The following RARB variants were observed in gnomAD, a reference collection of about 807,000 sequenced individuals.
RARB encodes retinoic acid receptor beta, also known as HBV-activated protein.
In RARB, 17 loss-of-function variants were observed where a neutral mutation model predicts 51.9. That is an observed-to-expected ratio of 0.33 (90% CI 0.22 to 0.49). RARB has a LOEUF of 0.49. RARB is among the 20% of genes least tolerant of loss of function. RARB has a pLI of 0.99. For synonymous variants in RARB, 215 were observed against 195.4 expected (o/e 1.10, Z -0.84); for missense variants, 369 against 550.8 (o/e 0.67, Z 3.30).
upstream of RARB, among the ~76,000 whole-genome samples, chr3:25,427,859 T>C (rs1045423475): frequency 5.3e-5 from 8 of 152,036 alleles, no homozygotes; most frequent in African/African-American, 1.9e-4. Flanking sequence ...CAGAGGAATT[T>C]AAAGTGTGGG....
intron 5 of RARB, among the ~76,000 whole-genome samples, chr3:25,228,370 C>G (rs1702104801): frequency 1.3e-5 from 2 of 151,792 alleles, no homozygotes; most frequent in Non-Finnish European, 2.9e-5. Flanking sequence ...TTGTCATTGC[C>G]TCTCTTTTTA....
At chr3:25,138,378 T>A (rs1337084368) in intron 4 of RARB, among the ~76,000 whole-genome samples, 1 of 151,950 alleles carries the variant, frequency 6.6e-6, no homozygotes, top group African/African-American at 2.4e-5. Context: ...CCTGCCAGGT[T>A]CTAGGTTGAA....
At position 25,451,528 on chromosome 3, in the gene RARB, C is replaced by G. The variant is rs569157233; in HGVS notation, c.158-9665C>G. ...TCATATGGTGCATACCTGTAAGAAA[C>G]AAAACAGAAAAATTTCTTTGCAGCA... On this transcript the variant is annotated intron_variant, in intron 1 of 7. Coordinates refer to ENST00000330688, the MANE Select transcript of RARB (RefSeq NM_000965.5). Among the ~76,000 whole-genome samples the G allele has an allele frequency of 2.6e-5, 4 of 152,264 alleles. No homozygotes were observed. In the South Asian group the frequency reaches 8.3e-4, roughly 32 times the overall value.
chr3:25,025,485 G>A (rs1697727561), intron 2 of RARB, among the ~76,000 whole-genome samples: 1 of 152,176 alleles, frequency 6.6e-6, no homozygotes, highest in African/African-American at 2.4e-5. Context: ...CTCTTTGTAT[G>A]TGCCCAGCTG....
chr3:24,948,170 C>T (rs148013378), intron 2 of RARB, among the ~76,000 whole-genome samples: 1 of 152,190 alleles, frequency 6.6e-6, no homozygotes, highest in Non-Finnish European at 1.5e-5. Context: ...GTAGGAAGCA[C>T]TGGCAGCCTT....
At chr3:24,915,633 A>G (rs1695092350) in intron 2 of RARB, among the ~76,000 whole-genome samples, 1 of 152,194 alleles carries the variant, frequency 6.6e-6, no homozygotes, top group African/African-American at 2.4e-5. Flanking sequence ...AAAGGGAAAT[A>G]ACATTTTCAG....
Position 25,501,242 on chromosome 3 carries a change from T to C in RARB, c.367T>C (p.Cys123Arg). The C allele has an allele frequency of 6.2e-7, 1 of 1,610,482 alleles. No individual in the cohort carries two copies. Among genetic ancestry groups the C allele is most frequent in the Non-Finnish European group, 8.5e-7 (1 of 1,178,762 alleles). ...TTACACTTGTCACCGAGATAAGAAC[T>C]GTGTTATTAATAAAGTCACCAGGAA... ...MIYTCHRDKNCVINKVTRNRC... is the reference protein window; with the variant it reads ...MIYTCHRDKNRVINKVTRNRC... The change falls in exon 3 of 8, where the codon TGT becomes CGT. Residue 123 changes from cysteine to arginine, a missense_variant. Around this residue, in one of 9 missense-constraint regions of RARB, gnomAD observed 26 missense variants for 28.8 expected, o/e 0.90. Coordinates refer to ENST00000330688, the MANE Select transcript of RARB (RefSeq NM_000965.5).
chr3:25,440,217 C>T (rs1035964876), intron 1 of RARB, among the ~76,000 whole-genome samples: 5 of 152,008 alleles, frequency 3.3e-5, no homozygotes, highest in Admixed American at 6.6e-5. Flanking sequence ...TCAGGAGGCC[C>T]GAGGCAGGCA....
chr3:24,891,226 T>G (rs922127578), intron 2 of RARB, among the ~76,000 whole-genome samples: 1 of 152,214 alleles, frequency 6.6e-6, no homozygotes, highest in Non-Finnish European at 1.5e-5. Context: ...TATATTCCTA[T>G]TTTCATTTAG....
At chr3:25,071,409 A>T (rs773085852) in intron 3 of RARB, among the ~76,000 whole-genome samples, 2 of 152,136 alleles carry the variant, frequency 1.3e-5, no homozygotes, top group African/African-American at 2.4e-5. Context: ...CCAGAAGGAG[A>T]AGTAATATAT....
At chr3:24,833,531 A>G (rs1216848763) in intron 1 of RARB, among the ~76,000 whole-genome samples, 1 of 152,210 alleles carries the variant, frequency 6.6e-6, no homozygotes, top group Non-Finnish European at 1.5e-5. Flanking sequence ...AGCAACATCT[A>G]TTCAATTGCC....
At chr3:25,574,501 C>G (rs1700841868) in intron 4 of RARB, among the ~76,000 whole-genome samples, 1 of 152,186 alleles carries the variant, frequency 6.6e-6, no homozygotes, top group African/African-American at 2.4e-5. Context: ...GTGGGTGTGA[C>G]AGTGGGACAG....
At chr3:24,940,540 C>T (rs1373320650) in intron 2 of RARB, among the ~76,000 whole-genome samples, 1 of 152,190 alleles carries the variant, frequency 6.6e-6, no homozygotes, top group African/African-American at 2.4e-5. Context: ...CTCAAATTTC[C>T]TCTCCATCCA....
intron 2 of RARB, among the ~76,000 whole-genome samples, chr3:24,877,402 CTT>C (rs1559379833): frequency 8.6e-6 from 1 of 116,338 alleles, no homozygotes; most frequent in Non-Finnish European, 1.7e-5. Flanking sequence ...TCTAGAAAGA[CTT>C]AAGAATAGAA....
intron 2 of RARB, among the ~76,000 whole-genome samples, chr3:24,898,687 C>T (rs1439895194): frequency 1.8e-4 from 28 of 152,174 alleles, no homozygotes; most frequent in Admixed American, 1.8e-3. Context: ...CTAATCAGCT[C>T]TATTTTCTAG....
rs144006981 is a variant in RARB at position 25,558,724 on chromosome 3, C to G, written c.449-11034C>G. Among the ~76,000 whole-genome samples, 373 of 152,198 alleles carry G rather than the reference C, an allele frequency of 2.5e-3. 2 individuals are homozygous for G. The highest frequency in any genetic ancestry group is 8.7e-3 in the African/African-American group (363 of 41,534). ...TCATGCCCCCTCAAACCAAATTCAT[C>G]ATATTCCTGCCAGAAACTGGCTTCC... is the stretch of plus-strand genomic sequence containing the variant. On this transcript the variant is annotated intron_variant, in intron 3 of 7. Transcript: ENST00000330688.
intron 2 of RARB, among the ~76,000 whole-genome samples, chr3:24,905,781 G>A (rs1203500850): frequency 1.3e-5 from 2 of 152,170 alleles, no homozygotes; most frequent in Non-Finnish European, 2.9e-5. Context: ...GGCTAAGGAT[G>A]TTTGTCAGAC....
intron 5 of RARB, among the ~76,000 whole-genome samples, chr3:25,222,657 G>T (rs1324675201): frequency 6.6e-6 from 1 of 152,132 alleles, no homozygotes; most frequent in Non-Finnish European, 1.5e-5. Flanking sequence ...TGGAAGGAAT[G>T]AACACTATTC....
intron 5 of RARB, among the ~76,000 whole-genome samples, chr3:25,307,476 T>G (rs917317664): frequency 1.3e-5 from 2 of 152,200 alleles, no homozygotes; most frequent in Non-Finnish European, 2.9e-5. Context: ...CAGAAGTCCC[T>G]TAGCCAACAC....
Sources: gnomAD v4.1 joint callset for allele counts (sites outside exome capture counted in the v4.1 genomes callset) on GRCh38, gnomAD v4.1.1 for gene constraint, gnomAD v4.1.1 regional missense constraint, MANE v1.5 for transcripts, NCBI Gene and HGNC (gene_info 2026-07-23, HGNC 2026-07-21) for gene names.